The following PPP3CB variants were observed in gnomAD, a reference collection of about 807,000 sequenced individuals.
The protein encoded by PPP3CB is serine/threonine-protein phosphatase 2B catalytic subunit beta isoform.
A neutral mutation model predicts 66.4 loss-of-function variants in PPP3CB; 8 were observed. That is an observed-to-expected ratio of 0.12 (90% CI 0.07 to 0.22). The LOEUF is 0.22. Ranked by LOEUF, PPP3CB falls within the 10% of genes least tolerant of loss-of-function variation. PPP3CB has a pLI of 1.00. For missense variants in PPP3CB, 319 were observed against 642.5 expected (o/e 0.50, Z 5.44); for synonymous variants, 208 against 221.2 (o/e 0.94, Z 0.53).
At chr10:73,487,062 G>A (rs2056990650) in intron 1 of PPP3CB, among the ~76,000 whole-genome samples, 1 of 152,012 alleles carries the variant, frequency 6.6e-6, no homozygotes, top group Admixed American at 6.6e-5. Flanking sequence ...CCTAACTACT[G>A]GGGAGGCTGA....
At chr10:73,471,385 G>A (rs2056699280) in intron 5 of PPP3CB, 83 bp downstream of exon 5, 1 of 1,433,518 alleles carries the variant, frequency 7.0e-7, no homozygotes, top group Non-Finnish European at 9.4e-7. Context: ...AATCTTGGCA[G>A]TGAAGTGAAG....
chr10:73,457,150 C>G (rs1288204700), intron 9 of PPP3CB, among the ~76,000 whole-genome samples: 1 of 148,022 alleles, frequency 6.8e-6, no homozygotes, highest in Non-Finnish European at 1.5e-5. Context: ...GGCATGGAAG[C>G]ATGTGCCTGT....
intron 9 of PPP3CB, among the ~76,000 whole-genome samples, chr10:73,457,260 GAAAAAAAAAAAAAAAAA>G (rs35129439): frequency 5.8e-5 from 4 of 68,966 alleles, no homozygotes; most frequent in East Asian, 4.5e-4. Context: ...CTCTAAAAAA[GAAAAAAAAAAAAAAAAA>G]AAAAAAAAAA....
intron 10 of PPP3CB, among the ~76,000 whole-genome samples, chr10:73,451,588 A>AGAAG (rs140235442): frequency 0.046 from 6,915 of 151,698 alleles, 473 homozygotes; most frequent in African/African-American, 0.15. Context: ...AGAGAAAGGA[A>AGAAG]GAAGGAAGGA....
intron 1 of PPP3CB, among the ~76,000 whole-genome samples, chr10:73,486,052 T>C (rs1278225033): frequency 6.6e-6 from 1 of 151,982 alleles, no homozygotes; most frequent in Non-Finnish European, 1.5e-5. Context: ...TTCAAGCGAT[T>C]CTCCTGCCTC....
intron 9 of PPP3CB, among the ~76,000 whole-genome samples, chr10:73,459,746 A>C (rs2056490340): frequency 1.3e-5 from 2 of 152,208 alleles, no homozygotes; most frequent in African/African-American, 4.8e-5. Context: ...TGAACTGTCC[A>C]GAATAGGTGA....
intron 10 of PPP3CB, among the ~76,000 whole-genome samples, chr10:73,452,867 GCTTGTACAGTTAC>G (rs1311975854): frequency 6.6e-6 from 1 of 152,126 alleles, no homozygotes; most frequent in Non-Finnish European, 1.5e-5. Context: ...CAATGGTAGC[GCTTGTACAGTTAC>G]CTTGTACTTT....
rs2056752301 is a variant in PPP3CB, at chr10:73,474,292, C to T, written c.523+627G>A. ...CTGACCTCAGGTGATCCACCCGCCTCGGCCTCCCAAAGTGCTGGGATTACA... is the reference window on the plus strand; with the variant it reads ...CTGACCTCAGGTGATCCACCCGCCTTGGCCTCCCAAAGTGCTGGGATTACA... On this transcript the variant is annotated intron_variant, in intron 4 of 13. Coordinates refer to ENST00000360663, the MANE Select transcript of PPP3CB (RefSeq NM_021132.4). 2.6e-5 allele frequency among the ~76,000 whole-genome samples: 4 copies of T among 151,858 alleles called. No homozygotes were observed. The South Asian group carries it at 6.2e-4, about 24-fold the overall frequency.
chr10:73,448,798 TAGAA>T (rs201884199), intron 10 of PPP3CB: 1 of 509,208 alleles, frequency 2.0e-6, no homozygotes, highest in South Asian at 1.4e-5. Flanking sequence ...AGAATGAATG[TAGAA>T]AGAGAGAAAA....
intron 1 of PPP3CB, among the ~76,000 whole-genome samples, chr10:73,494,356 C>A (rs1233743396): frequency 6.6e-6 from 1 of 152,112 alleles, no homozygotes; most frequent in Non-Finnish European, 1.5e-5. Flanking sequence ...GCGCAAATCT[C>A]GGCTCACTGC....
intron 1 of PPP3CB, among the ~76,000 whole-genome samples, chr10:73,491,683 T>C (rs1238694128): frequency 6.6e-6 from 1 of 152,108 alleles, no homozygotes; most frequent in Non-Finnish European, 1.5e-5. Flanking sequence ...AAATAAGTAA[T>C]CTGGCTAGGC....
At chr10:73,472,925 AT>A (rs1424850345) in intron 4 of PPP3CB, among the ~76,000 whole-genome samples, 2 of 152,064 alleles carry the variant, frequency 1.3e-5, no homozygotes, top group Non-Finnish European at 2.9e-5. Flanking sequence ...TTTTGATGAG[AT>A]TTTGGTAGGT....
At position 73,471,680 on chromosome 10, in the gene PPP3CB, T is replaced by C. The variant is rs145597245; in HGVS notation, c.524-67A>G. On this transcript the variant is annotated intron_variant, in intron 4 of 13. Transcript: ENST00000360663. The stretch of plus-strand genomic sequence containing the variant: ...GTGGTGTGACCATTTTAAAAACATA[T>C]ATATTAGATTTTTATTTCTTGTTCT... 323 of 1,247,050 alleles carry C rather than the reference T, an allele frequency of 2.6e-4. 2 individuals are homozygous for C. The East Asian group carries it at 7.2e-3, about 28-fold the overall frequency. 77.2% of individuals were successfully genotyped at this position (1,247,050 alleles called of 1,614,324 possible).
chr10:73,474,821 C>A (rs1040049838), intron 4 of PPP3CB, 98 bp downstream of exon 4: 10 of 1,470,748 alleles, frequency 6.8e-6, no homozygotes, highest in Non-Finnish European at 6.3e-6. Flanking sequence ...GAAATCTGTC[C>A]TTACATGTTG....
At chr10:73,464,568 T>C (rs2056585974) in intron 9 of PPP3CB, among the ~76,000 whole-genome samples, 1 of 152,168 alleles carries the variant, frequency 6.6e-6, no homozygotes, top group African/African-American at 2.4e-5. Flanking sequence ...AGTACATACA[T>C]TTATACATGA....
intron 1 of PPP3CB, among the ~76,000 whole-genome samples, chr10:73,489,158 T>A (rs539632341): frequency 6.6e-6 from 1 of 152,230 alleles, no homozygotes. Flanking sequence ...CCTAAAAAAC[T>A]GTTGCTCACC....
intron 1 of PPP3CB, among the ~76,000 whole-genome samples, chr10:73,494,298 G>C (rs574809995): frequency 6.6e-6 from 1 of 151,808 alleles, no homozygotes; most frequent in South Asian, 2.1e-4. Flanking sequence ...TTTTGTTTTT[G>C]TTTTTGGAGA....
Position 73,495,991 on chromosome 10 carries a change from C to G in PPP3CB, c.-102G>C. The stretch of plus-strand genomic sequence containing the variant: ...CGGCGCCGCCGGGGAACATGGCGGA[C>G]CCTCTTTCCCTACAGAGGGGCTAAG... On this transcript the variant is annotated 5_prime_UTR_variant, in exon 1 of 14. Coordinates refer to ENST00000360663, the MANE Select transcript of PPP3CB (RefSeq NM_021132.4). The G allele has an allele frequency of 1.4e-6, 1 of 693,494 alleles. No individual in the cohort carries two copies. 43.0% of individuals were successfully genotyped at this position (693,494 alleles called of 1,614,324 possible).
At chr10:73,471,327 A>G in intron 5 of PPP3CB, 118 bp from the exon 6 acceptor site, 5 of 1,351,106 alleles carry the variant, frequency 3.7e-6, no homozygotes, top group Non-Finnish European at 5.0e-6. Flanking sequence ...GTGAATAAAC[A>G]GAAGTTATTT....
Sources: allele counts gnomAD v4.1 joint callset (sites outside exome capture counted in the v4.1 genomes callset), GRCh38; gene constraint gnomAD v4.1.1; transcripts MANE v1.5; gene names NCBI Gene and HGNC (gene_info 2026-07-23, HGNC 2026-07-21).